Variants in CLYBL observed in about 807,000 individuals in gnomAD.
CLYBL encodes the protein citramalyl-CoA lyase, mitochondrial.
Under a neutral mutation model 38.9 loss-of-function variants are expected in CLYBL, and 31 were observed. That is an observed-to-expected ratio of 0.80 (90% confidence interval 0.60 to 1.08). The LOEUF (loss-of-function observed/expected upper bound fraction) is 1.08, where lower values mean the gene tolerates loss of function less well. CLYBL is among the 50% of genes least tolerant of loss of function. CLYBL has a pLI of 0.00. For missense variants in CLYBL, 434 were observed against 411.6 expected (o/e 1.05, Z -0.47); for synonymous variants, 171 against 158.6 (o/e 1.08, Z -0.59).
At chr13:99,699,568 C>T (rs2048030288) in intron 1 of CLYBL, among the ~76,000 whole-genome samples, 1 of 151,784 alleles carries the variant, frequency 6.6e-6, no homozygotes, top group Non-Finnish European at 1.5e-5. Context: ...TGGCACGCGC[C>T]TGTAATCCCA....
chr13:99,675,889 T>G (rs2047636608), intron 1 of CLYBL, among the ~76,000 whole-genome samples: 3 of 152,224 alleles, frequency 2.0e-5, no homozygotes, highest in Non-Finnish European at 1.5e-5. Context: ...GGGTTATACT[T>G]AGGAATGGAA....
At chr13:99,651,758 C>A (rs148558002) in intron 1 of CLYBL, among the ~76,000 whole-genome samples, 1 of 151,276 alleles carries the variant, frequency 6.6e-6, no homozygotes, top group African/African-American at 2.4e-5. Context: ...GGTGAAACCC[C>A]GTCTCTACTA....
At chr13:99,808,307 A>G (rs751283614) in intron 2 of CLYBL, among the ~76,000 whole-genome samples, 1 of 152,080 alleles carries the variant, frequency 6.6e-6, no homozygotes, top group Non-Finnish European at 1.5e-5. Flanking sequence ...ACTGGTCTCA[A>G]ACTCCTGGGC....
intron 1 of CLYBL, among the ~76,000 whole-genome samples, chr13:99,770,111 G>A (rs781484188): frequency 1.0e-4 from 13 of 125,518 alleles, no homozygotes; most frequent in Non-Finnish European, 1.6e-4. Flanking sequence ...ATGGAGTCTC[G>A]CTCTTGTCGC....
intron 1 of CLYBL, among the ~76,000 whole-genome samples, chr13:99,699,988 T>C (rs887015193): frequency 6.6e-6 from 1 of 151,552 alleles, no homozygotes; most frequent in Non-Finnish European, 1.5e-5. Context: ...CGAGACTCCA[T>C]CTAAAAAAGT....
At chr13:99,652,546 A>T (rs1371976933) in intron 1 of CLYBL, among the ~76,000 whole-genome samples, 1 of 152,164 alleles carries the variant, frequency 6.6e-6, no homozygotes. Context: ...TATCTCAATT[A>T]AAAAAATAAA....
At chr13:99,838,307 A>C (rs2050987217) in intron 2 of CLYBL, among the ~76,000 whole-genome samples, 1 of 152,232 alleles carries the variant, frequency 6.6e-6, no homozygotes, top group South Asian at 2.1e-4. Flanking sequence ...TTCAAAAAGA[A>C]GTAACAAAAG....
intron 7 of CLYBL, among the ~76,000 whole-genome samples, chr13:99,883,696 C>T (rs1031016226): frequency 6.6e-6 from 1 of 152,088 alleles, no homozygotes; most frequent in Middle Eastern, 3.2e-3. Flanking sequence ...TTTTGTGTGT[C>T]TGTTATGTCA....
chr13:99,710,881 CTTTTTTTTTTT>C (rs748011707), intron 1 of CLYBL, among the ~76,000 whole-genome samples: 3 of 83,892 alleles, frequency 3.6e-5, no homozygotes, highest in African/African-American at 6.2e-5. Flanking sequence ...TTTCTAACCC[CTTTTTTTTTTT>C]TTTTTTTTTT....
At chr13:99,764,599 T>G (rs1378933013) in intron 1 of CLYBL, among the ~76,000 whole-genome samples, 1 of 152,204 alleles carries the variant, frequency 6.6e-6, no homozygotes, top group South Asian at 2.1e-4. Context: ...CCTTTTTCAT[T>G]TCTAAAGTTA....
chr13:99,721,611 A>G (rs1046762099), intron 1 of CLYBL, among the ~76,000 whole-genome samples: 6 of 144,686 alleles, frequency 4.1e-5, no homozygotes, highest in African/African-American at 1.0e-4. Flanking sequence ...ATATCTCCTA[A>G]TGCTGTCCCT....
intron 2 of CLYBL, among the ~76,000 whole-genome samples, chr13:99,820,476 G>A (rs1360547697): frequency 9.6e-5 from 12 of 125,082 alleles, no homozygotes; most frequent in African/African-American, 2.2e-4. Flanking sequence ...ACCTCCCCCC[G>A]ACTCCCCACC....
In CLYBL at chr13:99,869,537, G is replaced by C. The variant is rs2051831722; in HGVS notation, c.803-1401G>C. ...ATTTAAGGAATCTTTACTTATATAAGTGTTTAACATTTTATTAGTATGCTG... is the reference window on the plus strand; with the variant it reads ...ATTTAAGGAATCTTTACTTATATAACTGTTTAACATTTTATTAGTATGCTG... On this transcript the variant is annotated intron_variant, in intron 6 of 8. Coordinates refer to ENST00000339105, the MANE Select transcript of CLYBL (RefSeq NM_206808.5). This position sits in a 1 kb window ranked among gnomAD's most constrained non-coding sequence, Gnocchi z 4.3. Among the ~76,000 whole-genome samples the C allele has an allele frequency of 6.6e-6, 1 of 152,052 alleles. No homozygotes were observed. The highest frequency in any genetic ancestry group is 6.6e-5 in the Admixed American group (1 of 15,264).
intron 7 of CLYBL, among the ~76,000 whole-genome samples, chr13:99,886,132 C>A (rs2052343965): frequency 6.6e-6 from 1 of 152,204 alleles, no homozygotes; most frequent in South Asian, 2.1e-4. Flanking sequence ...AGAGAACTCC[C>A]TCTCAGGAAG....
chr13:99,659,655 A>T (rs2047381207), intron 1 of CLYBL, among the ~76,000 whole-genome samples: 1 of 152,220 alleles, frequency 6.6e-6, no homozygotes, highest in South Asian at 2.1e-4. Flanking sequence ...ATCCTAAAAC[A>T]TCCGGGAGTA....
chr13:99,832,432 C>T (rs2050823811), intron 2 of CLYBL, among the ~76,000 whole-genome samples: 2 of 152,178 alleles, frequency 1.3e-5, no homozygotes, highest in Admixed American at 1.3e-4. Context: ...GTATTAAATA[C>T]TTACAACCTG....
At chr13:99,609,121 A>G (rs1169769253) in intron 1 of CLYBL, among the ~76,000 whole-genome samples, 2 of 122,424 alleles carry the variant, frequency 1.6e-5, no homozygotes, top group African/African-American at 6.5e-5. Context: ...AGACTGTTCC[A>G]TTTTCTTTCT....
At chr13:99,673,913 A>C (rs1192837792) in intron 1 of CLYBL, among the ~76,000 whole-genome samples, 3 of 152,040 alleles carry the variant, frequency 2.0e-5, no homozygotes, top group African/African-American at 7.2e-5. Flanking sequence ...AATCAATGAG[A>C]TTTCCTGGTG....
chr13:99,710,567 C>T (rs931743846), intron 1 of CLYBL, among the ~76,000 whole-genome samples: 12 of 152,138 alleles, frequency 7.9e-5, no homozygotes, highest in Non-Finnish European at 1.3e-4. Context: ...GCTATATTTC[C>T]AGGGATATTG....
Sources: gnomAD v4.1 joint callset for allele counts (sites outside exome capture counted in the v4.1 genomes callset) on GRCh38, gnomAD v4.1.1 for gene constraint, Gnocchi (gnomAD v3.1) non-coding constraint, MANE v1.5 for transcripts, NCBI Gene and HGNC (gene_info 2026-07-23, HGNC 2026-07-21) for gene names.